FRAS1: variants seen among roughly 807,000 people sequenced by gnomAD.
FRAS1 encodes the protein extracellular matrix organizing protein FRAS1.
FRAS1 carries 290 observed loss-of-function variants against 435.2 expected under a neutral mutation model. The observed-to-expected ratio is 0.67, with a 90% confidence interval of 0.61 to 0.73. The LOEUF is 0.73. FRAS1 is among the 30% of genes least tolerant of loss of function. The pLI is 0.00. For missense variants in FRAS1, 4,860 were observed against 5,001.5 expected (o/e 0.97, Z 0.85); for synonymous variants, 1,800 against 1,851.0 (o/e 0.97, Z 0.71).
At chr4:78,184,441 T>C (rs80331927) in intron 2 of FRAS1, among the ~76,000 whole-genome samples, 3,404 of 152,320 alleles carry the variant, frequency 0.022, 110 homozygotes, top group African/African-American at 0.07. Context: ...CTATTTAAAC[T>C]TGTAAAAACT....
At chr4:78,181,612 C>T (rs570488321) in intron 2 of FRAS1, 2 of 1,610,980 alleles carry the variant, frequency 1.2e-6, no homozygotes, top group Non-Finnish European at 1.7e-6. Context: ...CTCCTTCACC[C>T]TTTTCTTCAA....
intron 2 of FRAS1, among the ~76,000 whole-genome samples, chr4:78,134,495 A>G (rs886310954): frequency 6.6e-6 from 1 of 152,160 alleles, no homozygotes; most frequent in Non-Finnish European, 1.5e-5. Context: ...TCATTGATCC[A>G]TTATCTGGCA....
In FRAS1 at chr4:78,473,564, T is replaced by A; in HGVS notation, c.7649T>A (p.Ile2550Asn). 6.2e-7 allele frequency: 1 copy of A among 1,610,438 alleles called. No homozygotes were observed. Among genetic ancestry groups the A allele is most frequent in the Non-Finnish European group, 8.5e-7 (1 of 1,178,116 alleles). The change falls in exon 53 of 74, where the codon ATC (isoleucine) becomes AAC (asparagine). Residue 2550 changes from isoleucine to asparagine, a missense_variant. Transcript: ENST00000512123. ...GTGGTCAGCGACAATGTCTTCCATA[T>A]CCAGTGGTCACTCATCAGCTTTAAA... ...PNVVSDNVFH[I>N]QWSLISFKYT...
intron 23 of FRAS1, among the ~76,000 whole-genome samples, chr4:78,371,549 A>G (rs1026468019): frequency 8.5e-5 from 13 of 152,188 alleles, no homozygotes; most frequent in African/African-American, 3.1e-4. Context: ...TATTCTTCTT[A>G]ACATTATGAA....
intron 15 of FRAS1, among the ~76,000 whole-genome samples, chr4:78,311,259 T>A (rs1729007944): frequency 6.6e-6 from 1 of 152,204 alleles, no homozygotes. Context: ...AAAATCTTTT[T>A]ATTTTTATGA....
chr4:78,471,141 G>A (rs972672785), intron 51 of FRAS1, among the ~76,000 whole-genome samples: 10 of 152,068 alleles, frequency 6.6e-5, no homozygotes, highest in African/African-American at 1.4e-4. Flanking sequence ...TCCTAATTTC[G>A]AAATTGGTCA....
intron 2 of FRAS1, among the ~76,000 whole-genome samples, chr4:78,126,830 A>G (rs763868342): frequency 6.6e-6 from 1 of 152,188 alleles, no homozygotes; most frequent in African/African-American, 2.4e-5. Flanking sequence ...TTGTGTGTAT[A>G]TGTGTACCTC....
rs77621812 is a variant in FRAS1, at chr4:78,280,722, C to T, written c.1072-676C>T. On this transcript the variant is annotated intron_variant, in intron 10 of 73. Transcript: ENST00000512123. ...CTACTTTGCTGTGTACTGTAATCTT[C>T]GGCAAGTTACTTAATCCTCAGTGTA... Among the ~76,000 whole-genome samples the T allele has an allele frequency of 6.7e-3, 1,012 of 152,022 alleles. 10 individuals carry two copies. Among genetic ancestry groups the T allele is most frequent in the African/African-American group, 0.023 (947 of 41,466 alleles).
At chr4:78,396,422 A>C (rs1732665974) in intron 29 of FRAS1, among the ~76,000 whole-genome samples, 1 of 152,212 alleles carries the variant, frequency 6.6e-6, no homozygotes, top group Non-Finnish European at 1.5e-5. Context: ...ACAGGACTTT[A>C]GTGGTAACAA....
intron 22 of FRAS1, among the ~76,000 whole-genome samples, chr4:78,368,090 A>G (rs1299409201): frequency 6.6e-6 from 1 of 151,960 alleles, no homozygotes; most frequent in Non-Finnish European, 1.5e-5. Context: ...TATTTTTGGA[A>G]TCTCTATCAA....
At chr4:78,538,672 G>T (rs1432105107) in intron 72 of FRAS1, among the ~76,000 whole-genome samples, 2 of 152,090 alleles carry the variant, frequency 1.3e-5, no homozygotes, top group Admixed American at 1.3e-4. Flanking sequence ...AACCATCAGA[G>T]GTCCGGGCGC....
chr4:78,435,824 A>G (rs1035611351), intron 38 of FRAS1, among the ~76,000 whole-genome samples: 1 of 152,150 alleles, frequency 6.6e-6, no homozygotes, highest in Non-Finnish European at 1.5e-5. Context: ...GCACAAAATG[A>G]TTATATGTAT....
At chr4:78,060,109 A>G (rs1431067999) in intron 1 of FRAS1, among the ~76,000 whole-genome samples, 2 of 152,072 alleles carry the variant, frequency 1.3e-5, no homozygotes, top group Non-Finnish European at 2.9e-5. Context: ...TTGAGCAGGT[A>G]TTGTTTGCCT....
intron 4 of FRAS1, among the ~76,000 whole-genome samples, chr4:78,250,933 T>C (rs1725502413): frequency 6.6e-6 from 1 of 152,190 alleles, no homozygotes; most frequent in Non-Finnish European, 1.5e-5. Flanking sequence ...GTCTTTTTCT[T>C]ACTTCTTATA....
At chr4:78,492,907 A>G (rs1175424700) in intron 59 of FRAS1, among the ~76,000 whole-genome samples, 2 of 152,250 alleles carry the variant, frequency 1.3e-5, no homozygotes, top group Admixed American at 6.5e-5. Context: ...CAATCTATCC[A>G]TCTGACAAAG....
Position 78,542,050 on chromosome 4 carries a change from C to T in FRAS1, c.*926C>T, listed in dbSNP as rs1227739524. ...TGCCCGTTCCTGTAACAGACAATCC[C>T]ATGTCCTAGGTATGGTTTTTTATTC... is the stretch of plus-strand genomic sequence containing the variant. On this transcript the variant is annotated 3_prime_UTR_variant, in exon 74 of 74. Transcript: ENST00000512123. 1.3e-5 allele frequency: 2 copies of T among 152,258 alleles called. No homozygotes were observed. Among genetic ancestry groups the T allele is most frequent in the Non-Finnish European group, 2.9e-5 (2 of 68,052 alleles). The allele number at this position is 152,258 out of a possible 1,614,324, so 9.4% of individuals were successfully genotyped here.
At chr4:78,236,710 G>A (rs1327329732) in intron 2 of FRAS1, among the ~76,000 whole-genome samples, 1 of 152,202 alleles carries the variant, frequency 6.6e-6, no homozygotes, top group Admixed American at 6.5e-5. Context: ...CTGAAATGTG[G>A]ATTCAGCATG....
Position 78,477,980 on chromosome 4 carries a change from G to C in FRAS1, c.8017G>C (p.Glu2673Gln). 1.9e-6 allele frequency: 3 copies of C among 1,612,304 alleles called. No homozygotes were observed. Among genetic ancestry groups the C allele is most frequent in the Non-Finnish European group, 2.5e-6 (3 of 1,179,280 alleles). The stretch of plus-strand genomic sequence containing the variant: ...GGTCATTATCAACGATACCGAGGAT[G>C]AACCCACATTAGAGTTTGACAAGAA... ...AKVIINDTED[E>Q]PTLEFDKKIY... Residue 2673 changes from glutamate (E) to glutamine (Q), a missense_variant, in exon 55 of 74, where the codon GAA becomes CAA. Glu to Gln is a conservative substitution (Grantham distance 29, BLOSUM62 2). Transcript: ENST00000512123.
intron 50 of FRAS1, among the ~76,000 whole-genome samples, chr4:78,468,443 G>A (rs1578342031): frequency 6.6e-6 from 1 of 152,084 alleles, no homozygotes; most frequent in African/African-American, 2.4e-5. Flanking sequence ...ACTAAGCCCA[G>A]TGCCTGGCAC....
Sources: allele counts gnomAD v4.1 joint callset (sites outside exome capture counted in the v4.1 genomes callset), GRCh38; gene constraint gnomAD v4.1.1; transcripts MANE v1.5; gene names NCBI Gene and HGNC (gene_info 2026-07-23, HGNC 2026-07-21).